IL1RAPL1: variants seen among roughly 807,000 people sequenced by gnomAD.
IL1RAPL1 encodes interleukin-1 receptor accessory protein-like 1.
Under a neutral mutation model 48.4 loss-of-function variants are expected in IL1RAPL1, and 3 were observed. The ratio of observed to expected loss-of-function variants is 0.06; its 90% CI spans 0.03 to 0.16. The LOEUF is 0.16. Ranked by LOEUF, IL1RAPL1 falls within the 10% of genes least tolerant of loss-of-function variation. The pLI is 1.00. For missense variants in IL1RAPL1, 349 were observed against 530.6 expected (o/e 0.66, Z 3.36); for synonymous variants, 185 against 187.7 (o/e 0.99, Z 0.12).
At chrX:29,880,932 T>G (rs1004248272) in intron 6 of IL1RAPL1, among the ~76,000 whole-genome samples, 2 of 111,578 alleles carry the variant, frequency 1.8e-5, no homozygotes, top group African/African-American at 6.5e-5. Context: ...AGAGTCATTA[T>G]GTATGGGAGA....
intron 3 of IL1RAPL1, among the ~76,000 whole-genome samples, chrX:29,365,788 C>T (rs1399330552): frequency 8.5e-5 from 9 of 105,384 alleles, no homozygotes; most frequent in Non-Finnish European, 1.2e-4. Context: ...CCTGTAATCC[C>T]GGCACTTTGG....
chrX:29,303,991 C>T (rs1323378323), intron 3 of IL1RAPL1, among the ~76,000 whole-genome samples: 2 of 111,557 alleles, frequency 1.8e-5, no homozygotes, highest in East Asian at 5.6e-4. Context: ...ATTTCTGCCT[C>T]ATTAAACCTC....
chrX:28,663,956 A>G (rs1039466426), intron 1 of IL1RAPL1, among the ~76,000 whole-genome samples: 1 of 112,425 alleles, frequency 8.9e-6, no homozygotes, highest in Non-Finnish European at 1.9e-5. Flanking sequence ...AAAATGATTA[A>G]TGAGCCTGAG....
chrX:29,783,960 T>G (rs898852067), intron 6 of IL1RAPL1, among the ~76,000 whole-genome samples: 1 of 112,036 alleles, frequency 8.9e-6, no homozygotes, highest in Non-Finnish European at 1.9e-5. Flanking sequence ...TCCTAACTAT[T>G]GCTATCCTGG....
chrX:29,592,445 C>T (rs893668853), intron 5 of IL1RAPL1, among the ~76,000 whole-genome samples: 4 of 111,040 alleles, frequency 3.6e-5, no homozygotes, highest in Non-Finnish European at 7.5e-5. Context: ...ACACATGTCA[C>T]AGGAAGAATC....
intron 5 of IL1RAPL1, among the ~76,000 whole-genome samples, chrX:29,416,008 C>G (rs1934210891): frequency 1.8e-5 from 2 of 111,747 alleles, no homozygotes; most frequent in Admixed American, 1.9e-4. Context: ...AAACTAAACT[C>G]TGACAGCTTA....
intron 1 of IL1RAPL1, among the ~76,000 whole-genome samples, chrX:28,627,413 T>G (rs1026285876): frequency 9.9e-5 from 11 of 111,616 alleles, no homozygotes; most frequent in Admixed American, 7.7e-4. Context: ...GAAATTTAAA[T>G]AGAAAGCTCT....
chrX:29,741,087 T>C (rs185261684), intron 6 of IL1RAPL1, among the ~76,000 whole-genome samples: 54 of 112,556 alleles, frequency 4.8e-4, no homozygotes, highest in African/African-American at 1.7e-3. Flanking sequence ...ACATTAGTCT[T>C]ATATCTGTGT....
rs149065925 is a variant in IL1RAPL1 at position 29,047,008 on chromosome X, G to C, written c.83-235930G>C. 5.7e-3 allele frequency among the ~76,000 whole-genome samples: 636 copies of C among 112,293 alleles called. 15 individuals are homozygous for C. The highest frequency in any genetic ancestry group is 0.048 in the East Asian group (170 of 3,542). On this transcript the variant is annotated intron_variant, in intron 2 of 10. Coordinates refer to ENST00000378993, the MANE Select transcript of IL1RAPL1 (RefSeq NM_014271.4). ...AAGAACCCAGAACTTCTGGATGGAA[G>C]GTTCTGGAATTGAATCCTCATGCCC... is the stretch of plus-strand genomic sequence containing the variant.
intron 5 of IL1RAPL1, among the ~76,000 whole-genome samples, chrX:29,437,786 A>G (rs185809611): frequency 7.2e-5 from 8 of 110,465 alleles, no homozygotes; most frequent in Non-Finnish European, 1.1e-4. Flanking sequence ...GCTCTGGTGT[A>G]TACTTCTTTC....
chrX:29,418,112 TATATATATATATA>T (rs1362064390), intron 5 of IL1RAPL1, among the ~76,000 whole-genome samples: 19 of 49,021 alleles, frequency 3.9e-4, no homozygotes, highest in African/African-American at 1.0e-3. Flanking sequence ...TATATATATA[TATATATATATATA>T]TTTTTTTTTT....
intron 3 of IL1RAPL1, among the ~76,000 whole-genome samples, chrX:29,322,191 CT>C (rs1289812886): frequency 2.7e-5 from 3 of 110,242 alleles, no homozygotes; most frequent in Admixed American, 9.7e-5. Context: ...TTTTCTTTCT[CT>C]TTTTTTCTTT....
chrX:29,250,374 T>C (rs931289691), intron 2 of IL1RAPL1, among the ~76,000 whole-genome samples: 8 of 112,096 alleles, frequency 7.1e-5, no homozygotes, highest in African/African-American at 9.7e-5. Context: ...CATTCATCTC[T>C]GATTCCCACC....
intron 6 of IL1RAPL1, among the ~76,000 whole-genome samples, chrX:29,909,239 G>A (rs979164131): frequency 3.6e-4 from 40 of 110,617 alleles, no homozygotes; most frequent in African/African-American, 1.2e-3. Flanking sequence ...AATTAGCTAG[G>A]CACACCAACC....
intron 1 of IL1RAPL1, among the ~76,000 whole-genome samples, chrX:28,659,697 A>G (rs1350901062): frequency 9.0e-6 from 1 of 111,578 alleles, no homozygotes; most frequent in Admixed American, 9.6e-5. Context: ...AAGATAATTT[A>G]AAGCATTAAC....
chrX:28,983,239 C>T (rs932561410), intron 2 of IL1RAPL1, among the ~76,000 whole-genome samples: 1 of 111,313 alleles, frequency 9.0e-6, no homozygotes, highest in East Asian at 2.8e-4. Context: ...ATTGTCCTTC[C>T]ACTGCTACTT....
chrX:29,925,587 G>C (rs1463572444), intron 8 of IL1RAPL1, among the ~76,000 whole-genome samples: 1 of 107,640 alleles, frequency 9.3e-6, no homozygotes, highest in Non-Finnish European at 1.9e-5. Flanking sequence ...GCCCAGGCTA[G>C]AGTGCAGTGG....
At chrX:28,941,591 ATGC>A (rs1456683886) in intron 2 of IL1RAPL1, among the ~76,000 whole-genome samples, 1 of 111,319 alleles carries the variant, frequency 9.0e-6, no homozygotes, top group Non-Finnish European at 1.9e-5. Flanking sequence ...ACACTTAAAG[ATGC>A]TGCTTTAAAA....
chrX:28,810,629 T>G (rs1370904687), intron 2 of IL1RAPL1, among the ~76,000 whole-genome samples: 1 of 110,959 alleles, frequency 9.0e-6, no homozygotes, highest in East Asian at 2.8e-4. Context: ...TTCTATTGAA[T>G]GTAAAATGCA....
Sources: allele counts gnomAD v4.1 joint callset (sites outside exome capture counted in the v4.1 genomes callset), GRCh38; gene constraint gnomAD v4.1.1; transcripts MANE v1.5; gene names NCBI Gene and HGNC (gene_info 2026-07-23, HGNC 2026-07-21).